The following CFAP299 variants were observed in gnomAD, a reference collection of about 807,000 sequenced individuals.
The protein encoded by CFAP299 is cilia- and flagella-associated protein 299.
In CFAP299, 21 loss-of-function variants were observed where a neutral mutation model predicts 27.0. The observed-to-expected ratio is 0.78, with a 90% CI of 0.55 to 1.12. The LOEUF (loss-of-function observed/expected upper bound fraction) is 1.12, where lower values mean the gene tolerates loss of function less well. CFAP299 is among the 50% of genes most tolerant of loss of function. The pLI, the probability that CFAP299 is intolerant of heterozygous loss-of-function variation, is 0.00. For missense variants in CFAP299, 310 were observed against 276.6 expected (o/e 1.12, Z -0.86); for synonymous variants, 104 against 98.1 (o/e 1.06, Z -0.36).
chr4:80,798,358 T>C (rs929537154), intron 3 of CFAP299, among the ~76,000 whole-genome samples: 1 of 152,082 alleles, frequency 6.6e-6, no homozygotes, highest in Non-Finnish European at 1.5e-5. Context: ...GAAGGGGATA[T>C]TGCCACTACT....
At chr4:80,389,255 T>C (rs1317626692) in intron 2 of CFAP299, among the ~76,000 whole-genome samples, 7 of 152,216 alleles carry the variant, frequency 4.6e-5, no homozygotes, top group African/African-American at 1.7e-4. Context: ...TAATCATTCC[T>C]ACCTAGTATT....
intron 3 of CFAP299, among the ~76,000 whole-genome samples, chr4:80,798,793 G>A (rs960612217): frequency 6.6e-6 from 1 of 151,872 alleles, no homozygotes; most frequent in African/African-American, 2.4e-5. Context: ...ATAATCAAAC[G>A]TTTTATGTAT....
intron 3 of CFAP299, among the ~76,000 whole-genome samples, chr4:80,730,816 A>G (rs114434647): frequency 3.0e-4 from 46 of 152,332 alleles, no homozygotes; most frequent in Non-Finnish European, 6.0e-4. Flanking sequence ...CCTCTTTGCA[A>G]TGCATTCATT....
At chr4:80,755,727 G>A (rs1725201246) in intron 3 of CFAP299, among the ~76,000 whole-genome samples, 1 of 152,054 alleles carries the variant, frequency 6.6e-6, no homozygotes, top group Admixed American at 6.6e-5. Context: ...GGATTCTGTG[G>A]CCAGCAGAAA....
intron 3 of CFAP299, among the ~76,000 whole-genome samples, chr4:80,813,836 T>C (rs925525713): frequency 1.3e-5 from 2 of 151,988 alleles, no homozygotes; most frequent in African/African-American, 4.8e-5. Flanking sequence ...TATAATTTAT[T>C]ATCCAGAAAA....
chr4:80,707,601 G>C (rs1258710608), intron 3 of CFAP299, among the ~76,000 whole-genome samples: 1 of 151,978 alleles, frequency 6.6e-6, no homozygotes, highest in Non-Finnish European at 1.5e-5. Context: ...ATTATGCAGA[G>C]ACATTATAGT....
At chr4:80,384,429 C>T (rs542425507) in intron 2 of CFAP299, among the ~76,000 whole-genome samples, 1 of 152,218 alleles carries the variant, frequency 6.6e-6, no homozygotes, top group East Asian at 1.9e-4. Context: ...GTCTGGCATT[C>T]AGTTAGTAAT....
chr4:80,856,881 A>T (rs1290045053), intron 3 of CFAP299, among the ~76,000 whole-genome samples: 4 of 151,972 alleles, frequency 2.6e-5, no homozygotes, highest in Admixed American at 2.0e-4. Flanking sequence ...TGACTTGGTG[A>T]TGAGGGCTCT....
In CFAP299 at chr4:80,535,494, C is replaced by CAAA. The variant is rs143122836; in HGVS notation, c.243-47571_243-47569dup. 3.6e-3 allele frequency among the ~76,000 whole-genome samples: 120 copies of CAAA among 33,274 alleles called. 18 individuals carry two copies. Among genetic ancestry groups the CAAA allele is most frequent in the Non-Finnish European group, 7.7e-3 (94 of 12,134 alleles). The allele number at this position is 33,274 out of a possible 152,430, so 21.8% of individuals were successfully genotyped here. A position where few individuals can be genotyped will look rare whatever the true frequency, so the allele number is the denominator to read the frequency against. ...TGGGCGACAGAGCGAGACTCCGTCT[C>CAAA]AAAAAAAAAAAAAAAAAAAAAAAAA... On this transcript the variant is annotated intron_variant, in intron 2 of 5. Transcript: ENST00000358105.
At chr4:80,389,593 T>C (rs1433905701) in intron 2 of CFAP299, among the ~76,000 whole-genome samples, 1 of 152,200 alleles carries the variant, frequency 6.6e-6, no homozygotes, top group Non-Finnish European at 1.5e-5. Context: ...CAAGATACTT[T>C]AGCCGAAATG....
intron 3 of CFAP299, among the ~76,000 whole-genome samples, chr4:80,837,787 G>A (rs1281211453): frequency 1.3e-5 from 2 of 152,010 alleles, no homozygotes; most frequent in Non-Finnish European, 2.9e-5. Flanking sequence ...TAAATACCCA[G>A]TAATGGGATT....
chr4:80,715,129 G>C (rs1398391405), intron 3 of CFAP299, among the ~76,000 whole-genome samples: 1 of 152,022 alleles, frequency 6.6e-6, no homozygotes, highest in Non-Finnish European at 1.5e-5. Context: ...AAAGTTATTA[G>C]ACTTCCTGGG....
intron 2 of CFAP299, among the ~76,000 whole-genome samples, chr4:80,422,697 A>G (rs1727347249): frequency 6.6e-6 from 1 of 152,198 alleles, no homozygotes; most frequent in Non-Finnish European, 1.5e-5. Context: ...GATGATCAAT[A>G]TGTTTGTTTG....
intron 4 of CFAP299, among the ~76,000 whole-genome samples, chr4:80,914,528 A>G (rs1320924779): frequency 6.6e-6 from 1 of 152,160 alleles, no homozygotes; most frequent in Non-Finnish European, 1.5e-5. Context: ...AACTGTATTC[A>G]GACATTGAAA....
At chr4:80,818,596 A>T (rs747055669) in intron 3 of CFAP299, among the ~76,000 whole-genome samples, 2 of 152,164 alleles carry the variant, frequency 1.3e-5, no homozygotes, top group South Asian at 2.1e-4. Context: ...ATAGTATTAC[A>T]TTCTTTCAAG....
At position 80,842,475 on chromosome 4, in the gene CFAP299, A is replaced by G. The variant is rs565133261; in HGVS notation, c.334-27518A>G. On this transcript the variant is annotated intron_variant, in intron 3 of 5. Transcript: ENST00000358105. ...AAAATTACTTAACGCCTCTTAAATC[A>G]CAGTTTTCTGTGATCAATAAAATGG... Among the ~76,000 whole-genome samples, 3 of 152,234 alleles carry G rather than the reference A, an allele frequency of 2.0e-5. No individual in the cohort carries two copies. The South Asian group carries it at 6.2e-4, about 32-fold the overall frequency.
chr4:80,844,855 C>T (rs1731081686), intron 3 of CFAP299, among the ~76,000 whole-genome samples: 1 of 152,160 alleles, frequency 6.6e-6, no homozygotes, highest in Non-Finnish European at 1.5e-5. Flanking sequence ...ATGGTTTTGC[C>T]TAGGTTTTCT....
At chr4:80,534,783 A>C (rs1191389507) in intron 2 of CFAP299, among the ~76,000 whole-genome samples, 1 of 152,174 alleles carries the variant, frequency 6.6e-6, no homozygotes, top group Non-Finnish European at 1.5e-5. Flanking sequence ...CTTATGAGTC[A>C]CAGTGAGATA....
At chr4:80,592,545 T>A (rs927195268) in intron 3 of CFAP299, among the ~76,000 whole-genome samples, 1 of 152,164 alleles carries the variant, frequency 6.6e-6, no homozygotes. Flanking sequence ...GTTTTACTTC[T>A]CAAAGTTAAA....
Sources: gnomAD v4.1 joint callset for allele counts (sites outside exome capture counted in the v4.1 genomes callset) on GRCh38, gnomAD v4.1.1 for gene constraint, MANE v1.5 for transcripts, NCBI Gene and HGNC (gene_info 2026-07-23, HGNC 2026-07-21) for gene names.